Variants in GRK2 observed in about 807,000 individuals in gnomAD.
The protein encoded by GRK2 is G protein-coupled receptor kinase 2, also known as adrenergic beta receptor kinase 1.
A neutral mutation model predicts 97.8 loss-of-function variants in GRK2; 23 were observed. The observed-to-expected ratio is 0.24, with a 90% CI of 0.17 to 0.33. The LOEUF is 0.33. Among genes scored for constraint, GRK2 ranks in the 10% least tolerant of loss-of-function variants. The pLI is 1.00. For missense variants in GRK2, 633 were observed against 956.9 expected (o/e 0.66, Z 4.47); for synonymous variants, 425 against 381.7 (o/e 1.11, Z -1.32).
At position 67,284,280 on chromosome 11, in the gene GRK2, G is replaced by A. The variant is rs1277612071; in HGVS notation, c.1561G>A (p.Val521Met). The change falls in exon 18 of 21, where the codon GTG becomes ATG. Residue 521 changes from valine to methionine, a missense_variant. Transcript: ENST00000308595. ...LTISERWQQE[V>M]AETVFDTINA... ...CATCTCGGAGCGGTGGCAGCAGGAG[G>A]TGGCAGAGACTGTCTTCGACACCAT... The A allele has an allele frequency of 6.2e-7, 1 of 1,613,418 alleles. No homozygotes were observed. The highest frequency in any genetic ancestry group is 8.5e-7 in the Non-Finnish European group (1 of 1,180,004).
In GRK2 at chr11:67,281,240, C is replaced by T. The variant is rs941342256; in HGVS notation, c.647+56C>T. 6.7e-7 allele frequency: 1 copy of T among 1,503,050 alleles called. No homozygotes were observed. Among genetic ancestry groups the T allele is most frequent in the African/African-American group, 1.4e-5 (1 of 72,660 alleles). 93.1% of individuals were successfully genotyped at this position (1,503,050 alleles called of 1,614,324 possible). Reference sequence around the variant, plus strand: ...CTCGGGGAGCCGGGCTCCTGGGGGACCCTGACAGGCCGGGTTCCACACAGG... The same window carrying T: ...CTCGGGGAGCCGGGCTCCTGGGGGATCCTGACAGGCCGGGTTCCACACAGG... On this transcript the variant is annotated intron_variant, in intron 8 of 20. Transcript: ENST00000308595. The surrounding 1 kb of genome is among the most constrained non-coding windows in gnomAD (Gnocchi z 5.7).
chr11:67,280,196 C>A, intron 6 of GRK2: 1 of 479,050 alleles, frequency 2.1e-6, no homozygotes, highest in Non-Finnish European at 3.8e-6. Context: ...GGCTGTATAG[C>A]ACCTTGCTGG....
intron 18 of GRK2, 74 bp downstream of exon 18, chr11:67,284,447 A>G (rs1343883765): frequency 2.6e-6 from 4 of 1,527,634 alleles, no homozygotes; most frequent in East Asian, 4.6e-5. Context: ...GGTTTAAGGA[A>G]CTCACCCTGG....
chr11:67,270,537 G>A (rs780427941), intron 1 of GRK2, among the ~76,000 whole-genome samples: 5 of 152,178 alleles, frequency 3.3e-5, no homozygotes, highest in East Asian at 3.9e-4. Context: ...GGGGTGCAGC[G>A]GGAAGCTCTC....
Position 67,282,024 on chromosome 11 carries a change from C to T in GRK2, c.957+72C>T. ...TCCTTCCTCTCGACATCCCGGCCAC[C>T]AGGCCCAGAGGAGTGGGGCTCCTGG... On this transcript the variant is annotated intron_variant, in intron 11 of 20. Transcript: ENST00000308595. The surrounding 1 kb of genome is among the most constrained non-coding windows in gnomAD (Gnocchi z 6.9). The T allele has an allele frequency of 1.9e-6, 3 of 1,594,918 alleles. No individual in the cohort carries two copies. In the East Asian group the frequency reaches 6.7e-5, roughly 36 times the overall value.
chr11:67,268,331 C>A (rs943038055), intron 1 of GRK2, among the ~76,000 whole-genome samples: 3 of 152,160 alleles, frequency 2.0e-5, no homozygotes, highest in Non-Finnish European at 2.9e-5. Context: ...GAAAATTGGT[C>A]TGCATTTTGA....
rs765062789 is a variant in GRK2 at position 67,279,633 on chromosome 11, C to T, written c.374C>T (p.Ser125Leu). The change falls in exon 5 of 21, where the codon TCG becomes TTG. Residue 125 changes from serine to leucine, a missense_variant. Transcript: ENST00000308595. ...KELLACSHPFSKSATEHVQGH... is the reference protein window; with the variant it reads ...KELLACSHPFLKSATEHVQGH... The stretch of plus-strand genomic sequence containing the variant: ...CACCTCTGTCTTCCCCAGCCCTTCT[C>T]GAAGAGTGCCACTGAGCATGTCCAA... The T allele has an allele frequency of 6.2e-7, 1 of 1,613,470 alleles. No homozygotes were observed. The highest frequency in any genetic ancestry group is 1.7e-5 in the Admixed American group (1 of 60,010).
chr11:67,277,457 A>C, intron 2 of GRK2, 109 bp downstream of exon 2: 1 of 958,420 alleles, frequency 1.0e-6, no homozygotes, highest in East Asian at 2.6e-5. Flanking sequence ...CCATCCACTC[A>C]GGGTGGAGCA....
In GRK2 at chr11:67,282,839, A is replaced by T; in HGVS notation, c.1227+21A>T. 1 of 1,599,822 alleles carries T rather than the reference A, an allele frequency of 6.3e-7. No homozygotes were observed. The highest frequency in any genetic ancestry group is 8.5e-7 in the Non-Finnish European group (1 of 1,176,142). ...CGATGGTGGGTGCAGGTCTCAGTGC[A>T]GGGCCGCAGGGGGCTGGGGGGAGCT... On this transcript the variant is annotated intron_variant, in intron 14 of 20. Transcript: ENST00000308595. This position sits in a 1 kb window ranked among gnomAD's most constrained non-coding sequence, Gnocchi z 6.9.
chr11:67,267,203 T>TAA (rs1473729087), intron 1 of GRK2, among the ~76,000 whole-genome samples: 1 of 152,216 alleles, frequency 6.6e-6, no homozygotes. Context: ...CAGCCCTTGG[T>TAA]CCCTGTGGGG....
chr11:67,282,266 C>G lies in GRK2; in HGVS notation c.958-5C>G, dbSNP rs369923562. 139 of 1,612,976 alleles carry G rather than the reference C, an allele frequency of 8.6e-5. No individual in the cohort carries two copies. The highest frequency in any genetic ancestry group is 1.1e-4 in the Non-Finnish European group (134 of 1,179,776). On this transcript the variant is annotated splice_polypyrimidine_tract_variant and splice_region_variant and intron_variant, in intron 11 of 20. Transcript: ENST00000308595. The surrounding 1 kb of genome is among the most constrained non-coding windows in gnomAD (Gnocchi z 6.9). ...CCCAGGCAGCTCACTGGGCTTCCTT[C>G]ACAGCCAGCCAACATCCTTCTGGAC...
chr11:67,268,629 C>G (rs974879979), intron 1 of GRK2, among the ~76,000 whole-genome samples: 1 of 152,180 alleles, frequency 6.6e-6, no homozygotes, highest in Non-Finnish European at 1.5e-5. Context: ...AATCTCCCCC[C>G]AGAATGCATT....
At chr11:67,267,762 G>A (rs1859828884) in intron 1 of GRK2, among the ~76,000 whole-genome samples, 2 of 152,228 alleles carry the variant, frequency 1.3e-5, no homozygotes, top group African/African-American at 4.8e-5. Context: ...TCTCTCCACT[G>A]TGTGAGCCTC....
intron 1 of GRK2, among the ~76,000 whole-genome samples, chr11:67,267,745 T>TA (rs1177235811): frequency 6.6e-6 from 1 of 152,232 alleles, no homozygotes; most frequent in Non-Finnish European, 1.5e-5. Context: ...TTATGGCTGA[T>TA]AGAGTATCTC....
chr11:67,280,708 T>C (rs767232451), intron 6 of GRK2, 24 bp from the exon 7 acceptor site: 7 of 1,613,940 alleles, frequency 4.3e-6, no homozygotes, highest in Non-Finnish European at 4.2e-6. Flanking sequence ...GAGTGGCCCC[T>C]GAGCCCTGAT....
At chr11:67,271,663 T>C (rs2136490249) in intron 1 of GRK2, among the ~76,000 whole-genome samples, 1 of 152,302 alleles carries the variant, frequency 6.6e-6, no homozygotes, top group South Asian at 2.1e-4. Flanking sequence ...GGGAGCTGCT[T>C]TGTGGCCGAC....
intron 2 of GRK2, 96 bp from the exon 3 acceptor site, chr11:67,279,104 C>T (rs953461720): frequency 4.3e-5 from 45 of 1,044,562 alleles, no homozygotes; most frequent in Non-Finnish European, 6.3e-5. Flanking sequence ...ACCTCCATAG[C>T]CAGTTCTGCC....
rs71457770 is a variant in GRK2, at chr11:67,282,009, C to T, written c.957+57C>T. ...TCCGTGGCTGTCCTCTCCTTCCTCT[C>T]GACATCCCGGCCACCAGGCCCAGAG... On this transcript the variant is annotated intron_variant, in intron 11 of 20. Coordinates refer to ENST00000308595, the MANE Select transcript of GRK2 (RefSeq NM_001619.5). This position sits in a 1 kb window ranked among gnomAD's most constrained non-coding sequence, Gnocchi z 6.9. The T allele has an allele frequency of 5.0e-6, 8 of 1,605,308 alleles. No homozygotes were observed. Among genetic ancestry groups the T allele is most frequent in the Admixed American group, 3.3e-5 (2 of 59,766 alleles).
intron 2 of GRK2, 147 bp from the exon 3 acceptor site, chr11:67,279,053 G>T: frequency 2.9e-6 from 2 of 680,248 alleles, no homozygotes; most frequent in East Asian, 2.7e-5. Flanking sequence ...CTTAGCAGCT[G>T]CCTGGCCCAC....
Sources: allele counts gnomAD v4.1 joint callset (sites outside exome capture counted in the v4.1 genomes callset), GRCh38; gene constraint gnomAD v4.1.1; non-coding constraint Gnocchi (gnomAD v3.1); transcripts MANE v1.5; gene names NCBI Gene and HGNC (gene_info 2026-07-23, HGNC 2026-07-21).